NSD2: variants seen among roughly 807,000 people sequenced by gnomAD.
The protein encoded by NSD2 is histone-lysine N-methyltransferase NSD2.
A neutral mutation model predicts 139.0 loss-of-function variants in NSD2; 12 were observed. That is an observed-to-expected ratio of 0.09 (90% CI 0.06 to 0.14). The LOEUF (loss-of-function observed/expected upper bound fraction) is 0.14. Among genes scored for constraint, NSD2 ranks in the 10% least tolerant of loss-of-function variants. The pLI, the probability that NSD2 is intolerant of heterozygous loss-of-function variation, is 1.00. For synonymous variants in NSD2, 669 were observed against 648.7 expected (o/e 1.03, Z -0.48); for missense variants, 1,155 against 1,745.0 (o/e 0.66, Z 6.02).
intron 12 of NSD2, among the ~76,000 whole-genome samples, chr4:1,953,734 T>G (rs1229605584): frequency 2.0e-5 from 3 of 152,136 alleles, no homozygotes; most frequent in Non-Finnish European, 2.9e-5. Flanking sequence ...ACCCTAAAGA[T>G]GCTTAACTAT....
chr4:1,960,937 GT>G (rs1420038435), intron 17 of NSD2, 97 bp from the exon 18 acceptor site: 4 of 856,380 alleles, frequency 4.7e-6, no homozygotes, highest in Admixed American at 1.8e-5. Context: ...GATGTGTGTG[GT>G]GCCCGTTCTA....
At chr4:1,966,068 T>C (rs937684346) in intron 18 of NSD2, among the ~76,000 whole-genome samples, 10 of 150,220 alleles carry the variant, frequency 6.7e-5, no homozygotes, top group African/African-American at 2.5e-4. Flanking sequence ...GAAAAAAAAA[T>C]GTTAACCAAG....
At chr4:1,883,927 G>A (rs1291998777) in intron 1 of NSD2, among the ~76,000 whole-genome samples, 1 of 152,226 alleles carries the variant, frequency 6.6e-6, no homozygotes, top group Non-Finnish European at 1.5e-5. Flanking sequence ...CTAGGATAGA[G>A]GCTGAACTGT....
chr4:1,940,008 A>C, intron 9 of NSD2: 1 of 1,388,098 alleles, frequency 7.2e-7, no homozygotes, highest in Non-Finnish European at 9.3e-7. Flanking sequence ...GTCTGTGTAC[A>C]TGTACAGATA....
At chr4:1,903,467 C>T (rs1717463211) in intron 2 of NSD2, among the ~76,000 whole-genome samples, 1 of 152,172 alleles carries the variant, frequency 6.6e-6, no homozygotes, top group Admixed American at 6.5e-5. Flanking sequence ...TCCTGGTGCC[C>T]TTGCCCTCAC....
chr4:1,950,563 T>G (rs867880928), intron 9 of NSD2, among the ~76,000 whole-genome samples: 1 of 152,216 alleles, frequency 6.6e-6, no homozygotes, highest in Admixed American at 6.5e-5. Flanking sequence ...CACATACTTC[T>G]GAAAGGACGC....
chr4:1,899,652 T>C (rs1415164456), intron 1 of NSD2, among the ~76,000 whole-genome samples: 1 of 152,202 alleles, frequency 6.6e-6, no homozygotes, highest in Non-Finnish European at 1.5e-5. Flanking sequence ...CTGTTTCTTA[T>C]TCCTAGCTGT....
chr4:1,930,940 G>C (rs953336783), intron 6 of NSD2, among the ~76,000 whole-genome samples, 170 bp downstream of exon 6: 6 of 152,074 alleles, frequency 3.9e-5, no homozygotes, highest in Non-Finnish European at 8.8e-5. Context: ...AACAGCTTCT[G>C]CCATCTGCGT....
chr4:1,898,461 G>T (rs1236674697), intron 1 of NSD2, among the ~76,000 whole-genome samples: 1 of 152,018 alleles, frequency 6.6e-6, no homozygotes, highest in African/African-American at 2.4e-5. Flanking sequence ...TCAGGAGATC[G>T]AGACCATCCT....
chr4:1,956,160 C>CAG lies in NSD2; in HGVS notation c.2856_2857dup (p.Gly953GlufsTer45). 1 of 1,613,294 alleles carries CAG rather than the reference C, an allele frequency of 6.2e-7. No homozygotes were observed. The highest frequency in any genetic ancestry group is 8.5e-7 in the Non-Finnish European group (1 of 1,179,576). ...ACCGGGGCAGCCGCTACCAGGGGGTCAGAGGGATCGGAAGAGTCTTCAAAA... is the reference window on the plus strand; with the variant it reads ...ACCGGGGCAGCCGCTACCAGGGGGTCAGAGAGGGATCGGAAGAGTCTTCAAAA... On this transcript the variant is annotated frameshift_variant, in exon 15 of 22. Transcript: ENST00000508803. LOFTEE classifies it high-confidence loss of function. The surrounding 1 kb of genome is among the most constrained non-coding windows in gnomAD (Gnocchi z 5.3).
intron 5 of NSD2, among the ~76,000 whole-genome samples, chr4:1,928,884 T>C (rs1721285316): frequency 6.6e-6 from 1 of 151,812 alleles, no homozygotes; most frequent in African/African-American, 2.4e-5. Flanking sequence ...CTTGAAGAGT[T>C]GGGAGTGAGT....
chr4:1,890,321 T>A (rs1715432553), intron 1 of NSD2, among the ~76,000 whole-genome samples: 2 of 151,940 alleles, frequency 1.3e-5, no homozygotes, highest in South Asian at 4.2e-4. Flanking sequence ...TTTTTTGAGA[T>A]GGCGTCTCGC....
At chr4:1,933,473 T>G (rs1001193025) in intron 6 of NSD2, among the ~76,000 whole-genome samples, 1 of 152,182 alleles carries the variant, frequency 6.6e-6, no homozygotes, top group African/African-American at 2.4e-5. Flanking sequence ...CACTGCAAGC[T>G]CCGCCTGGCG....
chr4:1,891,804 C>T (rs896453059), intron 1 of NSD2, among the ~76,000 whole-genome samples: 13 of 150,910 alleles, frequency 8.6e-5, no homozygotes, highest in African/African-American at 3.2e-4. Flanking sequence ...TTGCAGTGAG[C>T]CGAGATCGCG....
In NSD2 at chr4:1,918,504, C is replaced by T. The variant is rs1217095015; in HGVS notation, c.1291C>T (p.Pro431Ser). The T allele has an allele frequency of 2.5e-6, 4 of 1,613,750 alleles. No individual in the cohort carries two copies. Among genetic ancestry groups the T allele is most frequent in the Admixed American group, 3.3e-5 (2 of 59,972 alleles). Reference sequence around the variant, plus strand: ...TCCTCAAAAGACGGCAGAGGCTGACCCCAGAAGAGGAGTAGGGTCTCCTCC... The same window carrying T: ...TCCTCAAAAGACGGCAGAGGCTGACTCCAGAAGAGGAGTAGGGTCTCCTCC... ...STPQKTAEADPRRGVGSPPGR... is the reference protein window; with the variant it reads ...STPQKTAEADSRRGVGSPPGR... The change falls in exon 5 of 22, where the codon CCC becomes TCC. Residue 431 changes from proline (P) to serine (S), a missense_variant. This residue lies in a region of NSD2 where 420 missense variants were observed against 469.0 expected (regional missense o/e 0.90). Coordinates refer to ENST00000508803, the MANE Select transcript of NSD2 (RefSeq NM_001042424.3).
chr4:1,933,574 T>G (rs1721942296), intron 6 of NSD2, among the ~76,000 whole-genome samples: 1 of 151,986 alleles, frequency 6.6e-6, no homozygotes. Flanking sequence ...TTTTGTATTT[T>G]TAGTAGAGAC....
Position 1,942,195 on chromosome 4 carries a change from C to T in NSD2, c.1881+2417C>T. 6.9e-7 allele frequency: 1 copy of T among 1,449,846 alleles called. No individual in the cohort carries two copies. 89.8% of individuals were successfully genotyped at this position (1,449,846 alleles called of 1,614,324 possible). ...TAATTATTACATGGTACTACATCAC[C>T]CTGAGGAAGAGAATAAATTAAAATT... On this transcript the variant is annotated intron_variant, in intron 9 of 21. Transcript: ENST00000508803. This position sits in a 1 kb window ranked among gnomAD's most constrained non-coding sequence, Gnocchi z 4.0.
At chr4:1,940,604 G>T in intron 9 of NSD2, 1 of 1,063,262 alleles carries the variant, frequency 9.4e-7, no homozygotes, top group Non-Finnish European at 1.1e-6. Context: ...TCTCCGTGAT[G>T]CTGTTTTTCT....
rs369569430 is a variant in NSD2 at position 1,909,068 on chromosome 4, T to TA, written c.760+4700dup. Among the ~76,000 whole-genome samples the TA allele has an allele frequency of 7.1e-3, 1,046 of 146,924 alleles. 7 individuals carry two copies. Among genetic ancestry groups the TA allele is most frequent in the African/African-American group, 0.017 (671 of 40,216 alleles). The stretch of plus-strand genomic sequence containing the variant: ...TTTTCTATGAAAATGAGCTCCTCCC[T>TA]AAAAAAAAAAGAGTTATATATTTTA... On this transcript the variant is annotated intron_variant, in intron 3 of 21. Transcript: ENST00000508803.
Sources: allele counts gnomAD v4.1 joint callset (sites outside exome capture counted in the v4.1 genomes callset), GRCh38; gene constraint gnomAD v4.1.1; regional missense constraint gnomAD v4.1.1; non-coding constraint Gnocchi (gnomAD v3.1); transcripts MANE v1.5; gene names NCBI Gene and HGNC (gene_info 2026-07-23, HGNC 2026-07-21).